RWDD1: variants seen among roughly 807,000 people sequenced by gnomAD.
The protein encoded by RWDD1 is RWD domain-containing protein 1.
Under a neutral mutation model 31.6 loss-of-function variants are expected in RWDD1, and 17 were observed. The observed-to-expected ratio is 0.54, with a 90% CI of 0.37 to 0.81. RWDD1 has a LOEUF of 0.81. Ranked by LOEUF, RWDD1 falls within the 30% of genes least tolerant of loss-of-function variation. The pLI is 0.00. For missense variants in RWDD1, 204 were observed against 274.5 expected (o/e 0.74, Z 1.82); for synonymous variants, 78 against 94.2 (o/e 0.83, Z 0.99).
At chr6:116,572,908 C>G in intron 1 of RWDD1, 1 of 985,430 alleles carries the variant, frequency 1.0e-6, no homozygotes, top group Non-Finnish European at 1.2e-6. Flanking sequence ...TTCATGTTCT[C>G]TCTCACCAGC....
Position 116,597,579 on chromosome 6 carries a change from G to A in RWDD1, c.*4478G>A, listed in dbSNP as rs947920808. 2 of 151,964 alleles carry A rather than the reference G, an allele frequency of 1.3e-5. No individual in the cohort carries two copies. The highest frequency in any genetic ancestry group is 4.8e-5 in the African/African-American group (2 of 41,354). 9.4% of individuals were successfully genotyped at this position (151,964 alleles called of 1,614,324 possible). A position where few individuals can be genotyped will look rare whatever the true frequency, so the allele number is the denominator to read the frequency against. Reference sequence around the variant, plus strand: ...TTACATAATGAACAATGCATCATGGGATTATTGGCTGCAAATAAATTGGAA... The same window carrying A: ...TTACATAATGAACAATGCATCATGGAATTATTGGCTGCAAATAAATTGGAA... On this transcript the variant is annotated 3_prime_UTR_variant, in exon 7 of 7. Coordinates refer to ENST00000466444, the MANE Select transcript of RWDD1 (RefSeq NM_015952.4).
chr6:116,591,036 G>C, intron 6 of RWDD1, 86 bp downstream of exon 6: 1 of 1,463,424 alleles, frequency 6.8e-7, no homozygotes, highest in South Asian at 1.6e-5. Flanking sequence ...CAAGGCAGGA[G>C]GATTGCTTGA....
At chr6:116,585,345 T>G (rs1225736779) in intron 3 of RWDD1, among the ~76,000 whole-genome samples, 1 of 152,110 alleles carries the variant, frequency 6.6e-6, no homozygotes, top group African/African-American at 2.4e-5. Context: ...TTATGACCCC[T>G]CTATGAGGGG....
At chr6:116,587,254 TATGAAATATAA>T (rs1293805498) in intron 3 of RWDD1, among the ~76,000 whole-genome samples, 2 of 152,132 alleles carry the variant, frequency 1.3e-5, no homozygotes, top group Non-Finnish European at 2.9e-5. Context: ...GACAGAATCT[TATGAAATATAA>T]GATTATATGG....
In RWDD1 at chr6:116,593,174, C is replaced by T; in HGVS notation, c.*73C>T. On this transcript the variant is annotated 3_prime_UTR_variant, in exon 7 of 7. Coordinates refer to ENST00000466444, the MANE Select transcript of RWDD1 (RefSeq NM_015952.4). ...GCTATGCTCAGAGGGTTATGATTTT[C>T]CTTTCTTTTTTTCTAAGAAAAAATT... The T allele has an allele frequency of 7.2e-7, 1 of 1,397,822 alleles. No homozygotes were observed. The allele number at this position is 1,397,822 out of a possible 1,614,324, so 86.6% of individuals were successfully genotyped here. A position where few individuals can be genotyped will look rare whatever the true frequency, so the allele number is the denominator to read the frequency against.
In RWDD1 at chr6:116,594,756, T is replaced by C. The variant is rs552025320; in HGVS notation, c.*1655T>C. ...GTCACTACAGTTTTGGAGGACTGACTCTTAACCCCAATAGGAAATCAGTTG... is the reference window on the plus strand; with the variant it reads ...GTCACTACAGTTTTGGAGGACTGACCCTTAACCCCAATAGGAAATCAGTTG... On this transcript the variant is annotated 3_prime_UTR_variant, in exon 7 of 7. Transcript: ENST00000466444. The C allele has an allele frequency of 2.6e-5, 4 of 152,306 alleles. No individual in the cohort carries two copies. In the South Asian group the frequency reaches 8.3e-4, roughly 32 times the overall value. The allele number at this position is 152,306 out of a possible 1,614,324, so 9.4% of individuals were successfully genotyped here.
rs1345533635 is a variant in RWDD1 at position 116,594,054 on chromosome 6, G to A, written c.*953G>A. The A allele has an allele frequency of 6.6e-6, 1 of 151,046 alleles. No homozygotes were observed. The highest frequency in any genetic ancestry group is 1.5e-5 in the Non-Finnish European group (1 of 68,100). The allele number at this position is 151,046 out of a possible 1,614,324, so 9.4% of individuals were successfully genotyped here. The stretch of plus-strand genomic sequence containing the variant: ...CACGCTGCTTCCACTCATGGTAGAA[G>A]GGGAAGAGGCACTATGTGTGTAGAG... On this transcript the variant is annotated 3_prime_UTR_variant, in exon 7 of 7. Transcript: ENST00000466444.
chr6:116,580,197 G>C, intron 1 of RWDD1, 98 bp from the exon 2 acceptor site: 2 of 666,598 alleles, frequency 3.0e-6, no homozygotes, highest in East Asian at 5.8e-5. Context: ...TATAGCCTAG[G>C]GACCAGTTTC....
chr6:116,592,119 C>A (rs1775155999), intron 6 of RWDD1, among the ~76,000 whole-genome samples: 1 of 152,174 alleles, frequency 6.6e-6, no homozygotes, highest in South Asian at 2.1e-4. Flanking sequence ...TCCTTAAAAT[C>A]CTTTGATGGT....
intron 2 of RWDD1, among the ~76,000 whole-genome samples, chr6:116,580,637 C>A (rs1005261214): frequency 1.3e-5 from 2 of 151,944 alleles, no homozygotes; most frequent in Non-Finnish European, 2.9e-5. Flanking sequence ...AGGTAGGAAA[C>A]TTTTGTTTTG....
intron 2 of RWDD1, among the ~76,000 whole-genome samples, chr6:116,581,027 A>G (rs1774939355): frequency 1.3e-5 from 2 of 152,116 alleles, no homozygotes; most frequent in Admixed American, 6.5e-5. Context: ...AAATTCTGCC[A>G]GGAGCAGTCA....
chr6:116,572,151 T>A (rs1049073317), intron 1 of RWDD1, among the ~76,000 whole-genome samples: 43 of 113,264 alleles, frequency 3.8e-4, no homozygotes, highest in African/African-American at 1.3e-3. Flanking sequence ...TCTGTCGGGT[T>A]TCTTTTCTTA....
intron 2 of RWDD1, among the ~76,000 whole-genome samples, chr6:116,582,569 C>T (rs1047297484): frequency 6.6e-6 from 1 of 152,028 alleles, no homozygotes; most frequent in African/African-American, 2.4e-5. Flanking sequence ...TACAATAGAT[C>T]TGAAGTTATT....
chr6:116,592,305 G>C (rs1279652741), intron 6 of RWDD1, among the ~76,000 whole-genome samples: 1 of 151,478 alleles, frequency 6.6e-6, no homozygotes, highest in Non-Finnish European at 1.5e-5. Context: ...CTTCATCCTG[G>C]CTCCTTTTCT....
chr6:116,572,828 G>A (rs1486064588), intron 1 of RWDD1: 4 of 985,238 alleles, frequency 4.1e-6, no homozygotes, highest in African/African-American at 3.5e-5. Context: ...GCTTGCAATG[G>A]TAGCAAATTT....
chr6:116,571,647 C>G lies in RWDD1; in HGVS notation c.65C>G (p.Ser22Cys). 2 of 1,612,796 alleles carry G rather than the reference C, an allele frequency of 1.2e-6. No homozygotes were observed. The highest frequency in any genetic ancestry group is 8.5e-7 in the Non-Finnish European group (1 of 1,179,620). Residue 22 changes from serine (S) to cysteine (C), a missense_variant, in exon 1 of 7, where the codon TCC becomes TGC. Ser to Cys is a moderately radical substitution (Grantham distance 112). Coordinates refer to ENST00000466444, the MANE Select transcript of RWDD1 (RefSeq NM_015952.4). The stretch of plus-strand genomic sequence containing the variant: ...GCCCTGGAGTCCATCTACCCTGACT[C>G]CTTCACAGGTGACTCCCGCGGCCGC... ...LEALESIYPD[S>C]FTVLSENPPS...
chr6:116,594,025 G>A lies in RWDD1; in HGVS notation c.*924G>A, dbSNP rs1775198918. 1 of 147,024 alleles carries A rather than the reference G, an allele frequency of 6.8e-6. No individual in the cohort carries two copies. Among genetic ancestry groups the A allele is most frequent in the Non-Finnish European group, 1.5e-5 (1 of 67,524 alleles). 9.1% of individuals were successfully genotyped at this position (147,024 alleles called of 1,614,324 possible). ...GATTGGGTATCTGCATCTGGTGAGA[G>A]CCTCACGCTGCTTCCACTCATGGTA... On this transcript the variant is annotated 3_prime_UTR_variant, in exon 7 of 7. Coordinates refer to ENST00000466444, the MANE Select transcript of RWDD1 (RefSeq NM_015952.4).
chr6:116,587,526 T>A (rs1775064546), intron 3 of RWDD1, among the ~76,000 whole-genome samples: 1 of 152,150 alleles, frequency 6.6e-6, no homozygotes, highest in Admixed American at 6.5e-5. Context: ...CTTTGAAGGG[T>A]CTCCTAAATG....
At chr6:116,590,552 T>C in intron 5 of RWDD1, 148 bp downstream of exon 5, 1 of 1,047,370 alleles carries the variant, frequency 9.5e-7, no homozygotes, top group Non-Finnish European at 1.3e-6. Context: ...CCAGATGATG[T>C]TTCTCCACTC....
Sources: gnomAD v4.1 joint callset for allele counts (sites outside exome capture counted in the v4.1 genomes callset) on GRCh38, gnomAD v4.1.1 for gene constraint, MANE v1.5 for transcripts, NCBI Gene and HGNC (gene_info 2026-07-23, HGNC 2026-07-21) for gene names.